SYNM: variants seen among roughly 807,000 people sequenced by gnomAD.
The protein encoded by SYNM is synemin.
In SYNM, 95 loss-of-function variants were observed where a neutral mutation model predicts 104.0. That is an observed-to-expected ratio of 0.91 (90% confidence interval 0.77 to 1.08). SYNM has a LOEUF of 1.08. Ranked by LOEUF, SYNM falls within the 50% of genes least tolerant of loss-of-function variation. SYNM has a pLI of 0.00. For synonymous variants in SYNM, 918 were observed against 869.0 expected (o/e 1.06, Z -0.99); for missense variants, 2,150 against 2,052.2 (o/e 1.05, Z -0.92).
chr15:99,105,818 C>G lies in SYNM; in HGVS notation c.619C>G (p.Arg207Gly). The change falls in exon 1 of 4, where the codon CGC (arginine) becomes GGC (glycine). Residue 207 changes from arginine to glycine, a missense_variant. Physicochemically the swap from Arg to Gly is moderately radical, Grantham distance 125 (BLOSUM62 -2). Coordinates refer to ENST00000336292, the MANE Select transcript of SYNM (RefSeq NM_145728.3). Reference sequence around the variant, plus strand: ...GGTGCAGCTGTACGAGGACGAGGTGCGCGAGCTGGAGGAGGCGCTGCGGCG... The same window carrying G: ...GGTGCAGCTGTACGAGGACGAGGTGGGCGAGCTGGAGGAGGCGCTGCGGCG... ...ETVQLYEDEV[R>G]ELEEALRRGQ... is the part of the protein sequence containing the mutation. The G allele has an allele frequency of 6.5e-7, 1 of 1,542,550 alleles. No individual in the cohort carries two copies. Among genetic ancestry groups the G allele is most frequent in the Non-Finnish European group, 8.7e-7 (1 of 1,145,580 alleles).
intron 1 of SYNM, among the ~76,000 whole-genome samples, chr15:99,106,379 C>T (rs1555482815): frequency 1.3e-5 from 2 of 152,218 alleles, no homozygotes; most frequent in African/African-American, 4.8e-5. Flanking sequence ...AAGAGTCAAC[C>T]GAGAAACCTC....
chr15:99,131,250 A>G lies in SYNM; in HGVS notation c.2890A>G (p.Met964Val), dbSNP rs1292956819. 8 of 1,609,716 alleles carry G rather than the reference A, an allele frequency of 5.0e-6. No individual in the cohort carries two copies. Among genetic ancestry groups the G allele is most frequent in the African/African-American group, 2.7e-5 (2 of 74,820 alleles). Residue 964 changes from methionine to valine, a missense_variant, in exon 4 of 4, where the codon ATG (methionine) becomes GTG (valine). Met to Val is a conservative substitution (Grantham distance 21, BLOSUM62 1). Coordinates refer to ENST00000336292, the MANE Select transcript of SYNM (RefSeq NM_145728.3). This position sits in a 1 kb window ranked among gnomAD's most constrained non-coding sequence, Gnocchi z 4.3. ...GCTGGAGGAAACCCTTCCCGAGCGCATGAGGGAGGAGCTGTCCGCCCTCAC... is the reference window on the plus strand; with the variant it reads ...GCTGGAGGAAACCCTTCCCGAGCGCGTGAGGGAGGAGCTGTCCGCCCTCAC... Reference protein sequence around the residue: ...GQLEETLPERMREELSALTRE... With the variant: ...GQLEETLPERVREELSALTRE...
intron 2 of SYNM, among the ~76,000 whole-genome samples, chr15:99,116,127 G>A (rs1555483911): frequency 6.6e-6 from 1 of 152,248 alleles, no homozygotes; most frequent in East Asian, 1.9e-4. Context: ...TGAGAGCCTT[G>A]CTGCCACTGA....
rs1051299106 is a variant in SYNM at position 99,129,566 on chromosome 15, A to T, written c.1206A>T (p.Gly402=). The T allele has an allele frequency of 2.5e-6, 4 of 1,613,830 alleles. No homozygotes were observed. The African/African-American group carries it at 5.3e-5, about 22-fold the overall frequency. ...CCAGAAGAGGCTTCTTGGGCTCGGG[A>T]TATTCTTCCTCGGCCACTACCCAGC... The part of the protein sequence containing the change: ...GDARRGFLGS[G]YSSSATTQQE... The change falls in exon 4 of 4, where the codon GGA becomes GGT. Residue 402 remains glycine (G), a synonymous_variant. Coordinates refer to ENST00000336292, the MANE Select transcript of SYNM (RefSeq NM_145728.3).
Position 99,132,340 on chromosome 15 carries a change from A to C in SYNM, c.3980A>C (p.His1327Pro). The stretch of plus-strand genomic sequence containing the variant: ...CAGACCACCCAGCAGATAGTTTACC[A>C]TGGGCTGGTTCCCCAACTGGGGGAA... ...RHQTTQQIVY[H>P]GLVPQLGESG... Residue 1327 changes from histidine to proline, a missense_variant, in exon 4 of 4, where the codon CAT becomes CCT. Physicochemically the swap from His to Pro is moderately conservative, Grantham distance 77 (BLOSUM62 -2). Coordinates refer to ENST00000336292, the MANE Select transcript of SYNM (RefSeq NM_145728.3). The C allele has an allele frequency of 6.2e-7, 1 of 1,613,710 alleles. No individual in the cohort carries two copies. Among genetic ancestry groups the C allele is most frequent in the Non-Finnish European group, 8.5e-7 (1 of 1,179,664 alleles).
At chr15:99,127,724 A>C (rs1555485183) in intron 3 of SYNM, among the ~76,000 whole-genome samples, 1 of 152,234 alleles carries the variant, frequency 6.6e-6, no homozygotes. Flanking sequence ...GGCATTGGTC[A>C]ACCTGCCTGG....
In SYNM at chr15:99,132,960, A is replaced by G. The variant is rs2096137609; in HGVS notation, c.4600A>G (p.Arg1534Gly). ...AMFDKKVQLQ[R>G]MVDQRSVISD... ...GTTTGATAAGAAGGTGCAGCTCCAG[A>G]GAATGGTAGACCAAAGGTCGGTGAT... Residue 1534 changes from arginine to glycine, a missense_variant, in exon 4 of 4, where the codon AGA (arginine) becomes GGA (glycine). Arg to Gly is a moderately radical substitution (Grantham distance 125). Coordinates refer to ENST00000336292, the MANE Select transcript of SYNM (RefSeq NM_145728.3). 2.5e-6 allele frequency: 4 copies of G among 1,613,896 alleles called. No homozygotes were observed. The highest frequency in any genetic ancestry group is 2.2e-5 in the East Asian group (1 of 44,870).
intron 2 of SYNM, among the ~76,000 whole-genome samples, chr15:99,118,726 A>G (rs1392252193): frequency 1.3e-5 from 2 of 152,204 alleles, no homozygotes; most frequent in Non-Finnish European, 2.9e-5. Context: ...ATAAGATAAT[A>G]AAATTAAAAC....
intron 1 of SYNM, among the ~76,000 whole-genome samples, chr15:99,107,238 G>A (rs2067254634): frequency 6.6e-6 from 1 of 152,244 alleles, no homozygotes; most frequent in Admixed American, 6.5e-5. Context: ...AGCAGGGACA[G>A]GGACTGACCC....
chr15:99,126,346 A>G (rs929471418), intron 2 of SYNM, among the ~76,000 whole-genome samples: 2 of 152,208 alleles, frequency 1.3e-5, no homozygotes, highest in African/African-American at 4.8e-5. Context: ...CCTGGGGCCC[A>G]CATCTCTCCA....
At position 99,132,989 on chromosome 15, in the gene SYNM, A is replaced by G. The variant is rs1339354751; in HGVS notation, c.4629A>G (p.Ser1543=). The G allele has an allele frequency of 6.2e-7, 1 of 1,613,820 alleles. No individual in the cohort carries two copies. Among genetic ancestry groups the G allele is most frequent in the Non-Finnish European group, 8.5e-7 (1 of 1,179,892 alleles). ...TGGTAGACCAAAGGTCGGTGATTTC[A>G]GATGAAAAGAAAGTTGCCCTCCTCT... ...QRMVDQRSVI[S]DEKKVALLYL... is the part of the protein sequence containing the mutation. The change falls in exon 4 of 4, where the codon TCA becomes TCG. Residue 1543 remains serine (S), a synonymous_variant. Transcript: ENST00000336292.
Position 99,132,353 on chromosome 15 carries a change from C to T in SYNM, c.3993C>T (p.Pro1331=), listed in dbSNP as rs200325495. ...AGATAGTTTACCATGGGCTGGTTCC[C>T]CAACTGGGGGAATCTGGTGACTCAG... is the stretch of plus-strand genomic sequence containing the variant. ...TQQIVYHGLV[P]QLGESGDSES... The change falls in exon 4 of 4, where the codon CCC becomes CCT. Residue 1331 remains proline, a synonymous_variant. Transcript: ENST00000336292. 7.2e-5 allele frequency: 116 copies of T among 1,613,680 alleles called. No individual in the cohort carries two copies. The African/African-American group carries it at 1.3e-3, about 18-fold the overall frequency.
rs1236974126 is a variant in SYNM, at chr15:99,105,824, C to G, written c.625C>G (p.Leu209Val). The change falls in exon 1 of 4, where the codon CTG (leucine) becomes GTG (valine). Residue 209 changes from leucine (L) to valine (V), a missense_variant. Physicochemically the swap from Leu to Val is conservative, Grantham distance 32 (BLOSUM62 1). Transcript: ENST00000336292. ...GCTGTACGAGGACGAGGTGCGCGAG[C>G]TGGAGGAGGCGCTGCGGCGCGGCCA... ...VQLYEDEVRELEEALRRGQES... is the reference protein window; with the variant it reads ...VQLYEDEVREVEEALRRGQES... 4 of 1,542,452 alleles carry G rather than the reference C, an allele frequency of 2.6e-6. No homozygotes were observed. The highest frequency in any genetic ancestry group is 3.5e-6 in the Non-Finnish European group (4 of 1,145,638).
chr15:99,109,223 G>A (rs1555483179), intron 1 of SYNM, among the ~76,000 whole-genome samples: 2 of 152,212 alleles, frequency 1.3e-5, no homozygotes, highest in East Asian at 3.9e-4. Context: ...CCTCAGATTT[G>A]CCCGAGAAGA....
downstream of SYNM, chr15:99,139,450 C>A (rs181987): frequency 0.15 from 236,334 of 1,611,276 alleles, 17,809 homozygotes; most frequent in Admixed American, 0.21. Context: ...TCGCTGAGAG[C>A]AGGAAACTAA....
intron 2 of SYNM, among the ~76,000 whole-genome samples, chr15:99,122,145 A>G (rs1555484581): frequency 6.6e-6 from 1 of 152,202 alleles, no homozygotes; most frequent in Admixed American, 6.5e-5. Context: ...AACAACATCA[A>G]AAAATATTGT....
rs1238012880 is a variant in SYNM, at chr15:99,106,558, G to A, written c.810+549G>A. Reference sequence around the variant, plus strand: ...GCTGCCTTGTTTGATCTTGGGAGGGGCAGCAACCCTCATGCAGAACAGAGC... The same window carrying A: ...GCTGCCTTGTTTGATCTTGGGAGGGACAGCAACCCTCATGCAGAACAGAGC... On this transcript the variant is annotated intron_variant, in intron 1 of 3. Coordinates refer to ENST00000336292, the MANE Select transcript of SYNM (RefSeq NM_145728.3). 2.7e-4 allele frequency among the ~76,000 whole-genome samples: 41 copies of A among 152,260 alleles called. 2 individuals are homozygous for A. Among genetic ancestry groups the A allele is most frequent in the Admixed American group, 2.0e-3 (31 of 15,286 alleles).
At chr15:99,122,386 A>G (rs2067409254) in intron 2 of SYNM, among the ~76,000 whole-genome samples, 1 of 152,176 alleles carries the variant, frequency 6.6e-6, no homozygotes, top group Non-Finnish European at 1.5e-5. Flanking sequence ...TTCAAAGGAA[A>G]ACGTTTCTTA....
intron 2 of SYNM, among the ~76,000 whole-genome samples, chr15:99,115,267 G>A (rs892168775): frequency 2.0e-5 from 3 of 152,174 alleles, no homozygotes; most frequent in African/African-American, 7.2e-5. Context: ...ATCTCCAGTG[G>A]TGTCTCCTTC....
Sources: allele counts gnomAD v4.1 joint callset (sites outside exome capture counted in the v4.1 genomes callset), GRCh38; gene constraint gnomAD v4.1.1; non-coding constraint Gnocchi (gnomAD v3.1); transcripts MANE v1.5; gene names NCBI Gene and HGNC (gene_info 2026-07-23, HGNC 2026-07-21).